The following PRR5 variants were observed in gnomAD, a reference collection of about 807,000 sequenced individuals.
PRR5 encodes the protein proline-rich protein 5.
A neutral mutation model predicts 30.6 loss-of-function variants in PRR5; 25 were observed. The observed-to-expected ratio is 0.82, with a 90% CI of 0.60 to 1.14. The LOEUF (loss-of-function observed/expected upper bound fraction) is 1.14, where lower values mean the gene tolerates loss of function less well. Among genes scored for constraint, PRR5 ranks in the 50% most tolerant of loss-of-function variants. The probability of loss-of-function intolerance (pLI) is 0.00; values close to 1 mark genes in which losing one functional copy is unlikely to be tolerated. For missense variants in PRR5, 600 were observed against 547.1 expected, an observed-to-expected ratio of 1.10 and a Z score of -0.96; for synonymous variants, 286 against 247.1, an observed-to-expected ratio of 1.16 and a Z score of -1.48.
chr22:44,707,814 G>T (rs995741095), intron 1 of PRR5, among the ~76,000 whole-genome samples: 5 of 152,216 alleles, frequency 3.3e-5, no homozygotes, highest in African/African-American at 1.2e-4. Flanking sequence ...GGGCCAGAGG[G>T]CCTCAACCAT....
At chr22:44,676,390 CAAAAAAAAA>C (rs59016907), upstream of PRR5, among the ~76,000 whole-genome samples, 720 of 37,088 alleles carry the variant, frequency 0.019, 7 homozygotes, top group African/African-American at 0.054. Context: ...GACCCTGTCT[CAAAAAAAAA>C]AAAAAAAAAA....
chr22:44,737,188 G>A lies in PRR5; in HGVS notation c.1108G>A (p.Gly370Ser), dbSNP rs770036568. Residue 370 changes from glycine to serine, a missense_variant, in exon 8 of 8, where the codon GGC (glycine) becomes AGC (serine). Gly to Ser is a moderately conservative substitution (Grantham distance 56). Transcript: ENST00000336985. Reference protein sequence around the residue: ...SEGIFIDFGRGRGSGMSDLEG... With the variant: ...SEGIFIDFGRSRGSGMSDLEG... ...AGGGATTTTCATTGACTTTGGCCGG[G>A]GCCGGGGCTCTGGCATGTCCGACTT... is the stretch of plus-strand genomic sequence containing the variant. 2 of 1,612,448 alleles carry A rather than the reference G, an allele frequency of 1.2e-6. No homozygotes were observed. Among genetic ancestry groups the A allele is most frequent in the Admixed American group, 3.3e-5 (2 of 60,028 alleles).
In PRR5 at chr22:44,691,162, G is replaced by A. The variant is rs895049929; in HGVS notation, c.-10-11330G>A. ...GCAGGGGCTGAGAAAGAGGGCAGAG[G>A]AACGGTGAGCCCAGGCTTCAGGTAG... On this transcript the variant is annotated intron_variant, in intron 1 of 8. Coordinates refer to the PRR5 transcript ENST00000006251. This position sits in a 1 kb window ranked among gnomAD's most constrained non-coding sequence, Gnocchi z 4.4. 6.6e-6 allele frequency among the ~76,000 whole-genome samples: 1 copy of A among 152,124 alleles called. No individual in the cohort carries two copies. Among genetic ancestry groups the A allele is most frequent in the Admixed American group, 6.5e-5 (1 of 15,280 alleles).
At chr22:44,682,309 A>G (rs1924365998) in intron 1 of PRR5, among the ~76,000 whole-genome samples, 1 of 152,098 alleles carries the variant, frequency 6.6e-6, no homozygotes, top group African/African-American at 2.4e-5. Flanking sequence ...ACTCTAATAC[A>G]GGGGATGCCA....
intron 1 of PRR5, among the ~76,000 whole-genome samples, chr22:44,670,873 G>A (rs981228597): frequency 6.6e-6 from 1 of 152,158 alleles, no homozygotes; most frequent in Non-Finnish European, 1.5e-5. Context: ...GCCCCTCTCT[G>A]GGTGCCGCAA....
At chr22:44,693,678 C>T (rs1383209595) in intron 1 of PRR5, among the ~76,000 whole-genome samples, 1 of 134,238 alleles carries the variant, frequency 7.4e-6, no homozygotes, top group African/African-American at 2.7e-5. Context: ...GGCTGGAGTG[C>T]AGGCTCAGTG....
At position 44,737,225 on chromosome 22, in the gene PRR5, G is replaced by T; in HGVS notation, c.1145G>T (p.Gly382Val). 6.2e-7 allele frequency: 1 copy of T among 1,604,680 alleles called. No individual in the cohort carries two copies. Among genetic ancestry groups the T allele is most frequent in the Non-Finnish European group, 8.5e-7 (1 of 1,173,644 alleles). ...GGCATGTCCGACTTGGAGGGCTCTG[G>T]GGGCCGGCAGAGTGTCGTGTGAGGC... ...GSGMSDLEGS[G>V]GRQSVV Residue 382 changes from glycine (G) to valine (V), a missense_variant, in exon 8 of 8, where the codon GGG (glycine) becomes GTG (valine). Physicochemically the swap from Gly to Val is moderately radical, Grantham distance 109. Coordinates refer to ENST00000336985, the MANE Select transcript of PRR5 (RefSeq NM_181333.4).
At chr22:44,687,795 G>A (rs1462279887) in intron 1 of PRR5, among the ~76,000 whole-genome samples, 1 of 152,082 alleles carries the variant, frequency 6.6e-6, no homozygotes, top group Non-Finnish European at 1.5e-5. Flanking sequence ...TTTGTTTTGA[G>A]ATGGAGTCTC....
intron 1 of PRR5, among the ~76,000 whole-genome samples, chr22:44,710,164 C>T (rs989902515): frequency 3.3e-5 from 5 of 152,274 alleles, no homozygotes; most frequent in South Asian, 4.1e-4. Flanking sequence ...ACAGGGCCCC[C>T]GGATCAGCCC....
intron 2 of PRR5, among the ~76,000 whole-genome samples, chr22:44,715,350 C>G (rs1602037934): frequency 6.6e-6 from 1 of 152,156 alleles, no homozygotes; most frequent in Non-Finnish European, 1.5e-5. Flanking sequence ...TTACCTTGTC[C>G]CTGTGTCAAA....
chr22:44,736,523 G>A (rs1923288030), intron 7 of PRR5, among the ~76,000 whole-genome samples: 1 of 152,244 alleles, frequency 6.6e-6, no homozygotes, highest in African/African-American at 2.4e-5. Flanking sequence ...CTGGCGGGGT[G>A]CAGGTTCAAA....
At chr22:44,671,220 C>T (rs574494774) in intron 1 of PRR5, among the ~76,000 whole-genome samples, 7 of 152,264 alleles carry the variant, frequency 4.6e-5, no homozygotes, top group South Asian at 2.1e-4. Flanking sequence ...AGGGGGCCAG[C>T]GCTGAACAGG....
chr22:44,689,359 C>T (rs1355117924), intron 1 of PRR5, among the ~76,000 whole-genome samples: 2 of 152,308 alleles, frequency 1.3e-5, no homozygotes, highest in African/African-American at 4.8e-5. Context: ...ATCTTTCATC[C>T]CTTATCAGAC....
At chr22:44,706,933 C>G (rs913521895) in intron 1 of PRR5, among the ~76,000 whole-genome samples, 1 of 152,182 alleles carries the variant, frequency 6.6e-6, no homozygotes, top group Non-Finnish European at 1.5e-5. Flanking sequence ...TGAGTGCCCA[C>G]TCCTTATTTA....
intron 6 of PRR5, 53 bp downstream of exon 6, chr22:44,732,444 G>A: frequency 6.4e-7 from 1 of 1,573,506 alleles, no homozygotes; most frequent in Non-Finnish European, 8.6e-7. Flanking sequence ...CAGTAATTGG[G>A]CTCAGGTCCC....
chr22:44,733,986 G>A (rs1307138748), intron 6 of PRR5: 1 of 152,232 alleles, frequency 6.6e-6, no homozygotes, highest in Non-Finnish European at 1.5e-5. Flanking sequence ...AATTGTACCT[G>A]GGTGTGGCCG....
chr22:44,668,878 C>G (rs1248930233), intron 1 of PRR5: 2 of 149,006 alleles, frequency 1.3e-5, no homozygotes, highest in African/African-American at 4.9e-5. Context: ...GGGCGGCACG[C>G]GCGACCCTGC....
At chr22:44,732,427 C>T (rs758882967) in intron 6 of PRR5, 36 bp downstream of exon 6, 25 of 1,584,264 alleles carry the variant, frequency 1.6e-5, no homozygotes, top group East Asian at 4.5e-5. Context: ...GCATGGGGAC[C>T]GTGGGGCAGT....
In PRR5 at chr22:44,726,641, G is replaced by A; in HGVS notation, c.322+7G>A. 1 of 1,614,092 alleles carries A rather than the reference G, an allele frequency of 6.2e-7. No individual in the cohort carries two copies. The highest frequency in any genetic ancestry group is 1.1e-5 in the South Asian group (1 of 91,086). On this transcript the variant is annotated splice_region_variant and intron_variant, in intron 4 of 7. Coordinates refer to ENST00000336985, the MANE Select transcript of PRR5 (RefSeq NM_181333.4). The stretch of plus-strand genomic sequence containing the variant: ...AAGATTCGCTTCTATGAGGGTGAGT[G>A]TGGGCCCCTTGGCGGCCACTCTGGG...
Sources: allele counts gnomAD v4.1 joint callset (sites outside exome capture counted in the v4.1 genomes callset), GRCh38; gene constraint gnomAD v4.1.1; non-coding constraint Gnocchi (gnomAD v3.1); transcripts MANE v1.5; gene names NCBI Gene and HGNC (gene_info 2026-07-23, HGNC 2026-07-21).